Variants in ADGRV1 observed in about 807,000 individuals in gnomAD.
ADGRV1 encodes the protein G-protein coupled receptor 98.
ADGRV1 carries 359 observed loss-of-function variants against 596.2 expected under a neutral mutation model. That is an observed-to-expected ratio of 0.60 (90% CI 0.55 to 0.66). The LOEUF (loss-of-function observed/expected upper bound fraction) is 0.66, where lower values mean the gene tolerates loss of function less well. ADGRV1 is among the 30% of genes least tolerant of loss of function. ADGRV1 has a pLI of 0.00. For synonymous variants in ADGRV1, 2,681 were observed against 2,679.2 expected, an observed-to-expected ratio of 1.00 and a Z score of -0.02; for missense variants, 7,274 against 7,575.6, an observed-to-expected ratio of 0.96 and a Z score of 1.48.
Position 90,823,584 on chromosome 5 carries a change from C to G in ADGRV1, c.16356C>G (p.Leu5452=). 6.2e-7 allele frequency: 1 copy of G among 1,613,408 alleles called. No homozygotes were observed. Among genetic ancestry groups the G allele is most frequent in the Non-Finnish European group, 8.5e-7 (1 of 1,179,550 alleles). Residue 5452 remains leucine, a synonymous_variant, in exon 76 of 90, where the codon CTC becomes CTG. Coordinates refer to ENST00000405460, the MANE Select transcript of ADGRV1 (RefSeq NM_032119.4). The part of the protein sequence containing the change: ...GQTKCFISIE[L]KPEKVPQVEV... The stretch of plus-strand genomic sequence containing the variant: ...CAAAATGCTTTATCAGCATTGAACT[C>G]AAACCAGAAAAGGTAAGAAATGAAG...
Position 91,079,635 on chromosome 5 carries a change from C to T in ADGRV1, c.18310+7031C>T, listed in dbSNP as rs1562189668. Among the ~76,000 whole-genome samples the T allele has an allele frequency of 2.6e-5, 4 of 152,110 alleles. No homozygotes were observed. The South Asian group carries it at 6.2e-4, about 24-fold the overall frequency. ...GAAGGTTTAAATTTCTGTTGAAACA[C>T]CCCTGATTTACAATGTAGCCAAGAA... On this transcript the variant is annotated intron_variant, in intron 86 of 89. Transcript: ENST00000405460.
At chr5:91,001,657 G>C (rs553200626) in intron 85 of ADGRV1, among the ~76,000 whole-genome samples, 1 of 151,958 alleles carries the variant, frequency 6.6e-6, no homozygotes, top group Non-Finnish European at 1.5e-5. Flanking sequence ...TATTTGCCAC[G>C]CTTTGTGATT....
At position 90,753,769 on chromosome 5, in the gene ADGRV1, C is replaced by T; in HGVS notation, c.11317C>T (p.Pro3773Ser). ...TATAACAACTTTGCCCAATGACTCA[C>T]CTTTTGGCTTGGTGGGCTGGCGTGC... is the stretch of plus-strand genomic sequence containing the variant. The part of the protein sequence containing the change: ...SVITTLPNDS[P>S]FGLVGWRAAS... The change falls in exon 54 of 90, where the codon CCT becomes TCT. Residue 3773 changes from proline to serine, a missense_variant. Transcript: ENST00000405460. 1 of 1,613,164 alleles carries T rather than the reference C, an allele frequency of 6.2e-7. No homozygotes were observed. Among genetic ancestry groups the T allele is most frequent in the Non-Finnish European group, 8.5e-7 (1 of 1,179,486 alleles).
At chr5:91,106,152 T>TG (rs1055696445) in intron 87 of ADGRV1, among the ~76,000 whole-genome samples, 8 of 152,030 alleles carry the variant, frequency 5.3e-5, no homozygotes, top group African/African-American at 1.9e-4. Flanking sequence ...GGGTGAGAGT[T>TG]GGGGGTCTAG....
chr5:91,129,205 A>G (rs189455734), intron 87 of ADGRV1, among the ~76,000 whole-genome samples: 39 of 152,216 alleles, frequency 2.6e-4, no homozygotes, highest in African/African-American at 9.2e-4. Flanking sequence ...CTTCTCTAAC[A>G]CATATGATTT....
At chr5:90,648,853 G>C (rs1286259317) in intron 17 of ADGRV1, among the ~76,000 whole-genome samples, 1 of 152,144 alleles carries the variant, frequency 6.6e-6, no homozygotes, top group Non-Finnish European at 1.5e-5. Flanking sequence ...AACATCGTCA[G>C]ATCTTACGTA....
intron 85 of ADGRV1, among the ~76,000 whole-genome samples, chr5:91,012,643 GT>G (rs1782819081): frequency 6.6e-6 from 1 of 152,050 alleles, no homozygotes; most frequent in African/African-American, 2.4e-5. Flanking sequence ...ACAAAAAGCA[GT>G]TTTCTCCCTC....
chr5:90,753,525 A>T, intron 53 of ADGRV1, 49 bp from the exon 54 acceptor site: 3 of 1,370,972 alleles, frequency 2.2e-6, no homozygotes, highest in Non-Finnish European at 3.1e-6. Flanking sequence ...TTCTTACTAC[A>T]TAGTGACAAT....
At chr5:90,865,433 C>T (rs537996146) in intron 83 of ADGRV1, among the ~76,000 whole-genome samples, 13 of 152,198 alleles carry the variant, frequency 8.5e-5, no homozygotes, top group African/African-American at 2.2e-4. Context: ...CAAATTTGCT[C>T]GTGTCTAGGG....
intron 87 of ADGRV1, among the ~76,000 whole-genome samples, chr5:91,144,744 A>G (rs142802366): frequency 1.3e-5 from 2 of 152,390 alleles, no homozygotes; most frequent in African/African-American, 4.8e-5. Flanking sequence ...GATGGATTAT[A>G]TAGGTCCAGC....
At chr5:90,984,554 A>G (rs1438853810) in intron 84 of ADGRV1, among the ~76,000 whole-genome samples, 5 of 152,170 alleles carry the variant, frequency 3.3e-5, no homozygotes, top group Admixed American at 3.3e-4. Flanking sequence ...GAAATAACAG[A>G]TATAAGATGT....
chr5:90,965,320 T>G (rs1778354257), intron 83 of ADGRV1, 95 bp from the exon 84 acceptor site: 1 of 763,730 alleles, frequency 1.3e-6, no homozygotes, highest in Admixed American at 2.0e-5. Flanking sequence ...ATGGAATCAC[T>G]GAGTCATAGA....
chr5:90,618,232 C>CT (rs1404388170), intron 3 of ADGRV1, among the ~76,000 whole-genome samples: 1 of 152,080 alleles, frequency 6.6e-6, no homozygotes, highest in Admixed American at 6.5e-5. Flanking sequence ...TCCCTTTGGC[C>CT]TTTTTTTCTT....
intron 83 of ADGRV1, among the ~76,000 whole-genome samples, chr5:90,946,873 A>G (rs1280030160): frequency 6.6e-6 from 1 of 152,178 alleles, no homozygotes; most frequent in African/African-American, 2.4e-5. Context: ...ATTGATGGAC[A>G]TTTGGGTTGA....
At chr5:90,747,625 G>C (rs1030379911) in intron 52 of ADGRV1, among the ~76,000 whole-genome samples, 1 of 152,080 alleles carries the variant, frequency 6.6e-6, no homozygotes, top group Non-Finnish European at 1.5e-5. Flanking sequence ...TAGGGACTCA[G>C]TGCCCAGGAT....
In ADGRV1 at chr5:90,756,981, C is replaced by A; in HGVS notation, c.11760C>A (p.Gly3920=). 3.1e-6 allele frequency: 5 copies of A among 1,593,548 alleles called. No individual in the cohort carries two copies. The South Asian group carries it at 5.7e-5, about 18-fold the overall frequency. Reference sequence around the variant, plus strand: ...TCAATTATATTCTTTACTTAAAGGGCGCTGGGGAAGTTATTACTGCCTATG... The same window carrying A: ...TCAATTATATTCTTTACTTAAAGGGAGCTGGGGAAGTTATTACTGCCTATG... ...RGIFMFHVTR[G]AGEVITAYEV... The change falls in exon 57 of 90, where the codon GGC becomes GGA. Residue 3920 remains glycine, a splice_region_variant and synonymous_variant. Transcript: ENST00000405460.
At chr5:90,563,687 A>G (rs1397209337) in intron 1 of ADGRV1, among the ~76,000 whole-genome samples, 1 of 152,262 alleles carries the variant, frequency 6.6e-6, no homozygotes, top group Non-Finnish European at 1.5e-5. Context: ...CCTTTATGCC[A>G]GAAAGAATTT....
chr5:90,810,446 A>C lies in ADGRV1; in HGVS notation c.15186A>C (p.Glu5062Asp). Reference sequence around the variant, plus strand: ...ATTTTGAGCCTGTTCAGAATGGGGAACTGTTTTTTCAAAAATTCCAAACTG... The same window carrying C: ...ATTTTGAGCCTGTTCAGAATGGGGACCTGTTTTTTCAAAAATTCCAAACTG... ...LEDFEPVQNG[E>D]LFFQKFQTEV... Residue 5062 changes from glutamate to aspartate, a missense_variant, in exon 74 of 90, where the codon GAA (glutamate) becomes GAC (aspartate). Coordinates refer to ENST00000405460, the MANE Select transcript of ADGRV1 (RefSeq NM_032119.4). The C allele has an allele frequency of 6.2e-7, 1 of 1,613,900 alleles. No individual in the cohort carries two copies. The highest frequency in any genetic ancestry group is 8.5e-7 in the Non-Finnish European group (1 of 1,179,808).
At chr5:90,707,695 A>G (rs1242713473) in intron 38 of ADGRV1, among the ~76,000 whole-genome samples, 1 of 152,198 alleles carries the variant, frequency 6.6e-6, no homozygotes, top group African/African-American at 2.4e-5. Context: ...TTCCTTAGAT[A>G]TGTTAGTTTT....
Sources: allele counts gnomAD v4.1 joint callset (sites outside exome capture counted in the v4.1 genomes callset), GRCh38; gene constraint gnomAD v4.1.1; transcripts MANE v1.5; gene names NCBI Gene and HGNC (gene_info 2026-07-23, HGNC 2026-07-21).